Variants in COL25A1 observed in about 807,000 individuals in gnomAD.
COL25A1 encodes collagen type XXV alpha 1 chain.
A neutral mutation model predicts 128.4 loss-of-function variants in COL25A1; 103 were observed. The ratio of observed to expected loss-of-function variants is 0.80; its 90% CI spans 0.68 to 0.94. The LOEUF is 0.94. COL25A1 is among the 40% of genes least tolerant of loss of function. COL25A1 has a pLI of 0.00. For missense variants in COL25A1, 745 were observed against 840.0 expected (o/e 0.89, Z 1.40); for synonymous variants, 279 against 277.2 (o/e 1.01, Z -0.06).
At chr4:108,955,469 T>C (rs1040441092) in intron 8 of COL25A1, among the ~76,000 whole-genome samples, 1 of 152,204 alleles carries the variant, frequency 6.6e-6, no homozygotes, top group African/African-American at 2.4e-5. Context: ...AAGGGCCTAA[T>C]AATTCACAAA....
intron 24 of COL25A1, among the ~76,000 whole-genome samples, chr4:108,855,447 A>G (rs1037642643): frequency 2.0e-5 from 3 of 151,960 alleles, no homozygotes; most frequent in Non-Finnish European, 4.4e-5. Flanking sequence ...TAAGGAGTAG[A>G]AATAATTTCT....
At chr4:109,013,030 A>G (rs1756804887) in intron 5 of COL25A1, among the ~76,000 whole-genome samples, 1 of 152,212 alleles carries the variant, frequency 6.6e-6, no homozygotes, top group South Asian at 2.1e-4. Flanking sequence ...TCGTGGATGC[A>G]CCAATCAGCA....
intron 3 of COL25A1, among the ~76,000 whole-genome samples, chr4:109,149,420 G>A (rs1039051089): frequency 6.6e-6 from 1 of 152,032 alleles, no homozygotes; most frequent in Non-Finnish European, 1.5e-5. Context: ...GTCTTACTGT[G>A]TTGCCCAGGC....
chr4:108,907,363 T>G (rs1743658910), intron 13 of COL25A1, among the ~76,000 whole-genome samples: 1 of 152,200 alleles, frequency 6.6e-6, no homozygotes, highest in South Asian at 2.1e-4. Flanking sequence ...ACTGCTCATC[T>G]CTTCTGTCTG....
chr4:108,884,810 C>T (rs978001724), intron 18 of COL25A1, among the ~76,000 whole-genome samples: 3 of 152,118 alleles, frequency 2.0e-5, no homozygotes, highest in Admixed American at 1.3e-4. Context: ...TCTGAGCAAC[C>T]CTGCTTAGCA....
At chr4:108,962,536 C>G (rs940472883) in intron 8 of COL25A1, among the ~76,000 whole-genome samples, 1 of 152,012 alleles carries the variant, frequency 6.6e-6, no homozygotes, top group Non-Finnish European at 1.5e-5. Flanking sequence ...AATACCTGTA[C>G]TGAAAAGAGT....
chr4:108,830,822 C>G (rs1478047379), intron 32 of COL25A1, among the ~76,000 whole-genome samples: 1 of 152,268 alleles, frequency 6.6e-6, no homozygotes, highest in Non-Finnish European at 1.5e-5. Context: ...CTGAGATTTG[C>G]TGCTCCATTT....
intron 3 of COL25A1, among the ~76,000 whole-genome samples, chr4:109,133,778 G>A (rs892252382): frequency 1.3e-5 from 2 of 151,940 alleles, no homozygotes; most frequent in African/African-American, 4.8e-5. Context: ...CTTTTTCTTT[G>A]ACATTTATGA....
intron 3 of COL25A1, among the ~76,000 whole-genome samples, chr4:109,264,246 G>A (rs752224327): frequency 2.2e-4 from 33 of 152,192 alleles, no homozygotes; most frequent in Non-Finnish European, 3.4e-4. Context: ...GACCAGGAGA[G>A]GGAAGGGTGA....
intron 10 of COL25A1, among the ~76,000 whole-genome samples, chr4:108,940,278 G>A (rs1172293479): frequency 6.6e-6 from 1 of 152,126 alleles, no homozygotes; most frequent in Non-Finnish European, 1.5e-5. Flanking sequence ...GCTGCCTCCA[G>A]GTGTCTCTTG....
At chr4:108,819,827 A>C (rs924523043) in intron 35 of COL25A1, 95 of 1,230,880 alleles carry the variant, frequency 7.7e-5, no homozygotes, top group Non-Finnish European at 9.5e-5. Context: ...GGCAGGGTGC[A>C]TCTAATCCAG....
chr4:108,819,896 C>A (rs1231399543), intron 35 of COL25A1: 4 of 1,220,156 alleles, frequency 3.3e-6, no homozygotes, highest in Non-Finnish European at 4.1e-6. Flanking sequence ...TTCCCTTTTC[C>A]CCCTGTGGAT....
At chr4:109,219,047 G>A (rs1220025433) in intron 3 of COL25A1, among the ~76,000 whole-genome samples, 3 of 152,054 alleles carry the variant, frequency 2.0e-5, no homozygotes, top group Non-Finnish European at 4.4e-5. Context: ...AGGAGTCAGA[G>A]CAAACCCATT....
At chr4:108,982,977 G>A (rs1184624657) in intron 6 of COL25A1, among the ~76,000 whole-genome samples, 1 of 152,160 alleles carries the variant, frequency 6.6e-6, no homozygotes, top group Non-Finnish European at 1.5e-5. Context: ...ACTCTCAAAA[G>A]TAAGACTGAT....
chr4:108,823,884 TCAAAAATCCTTTA>T, intron 35 of COL25A1: 1 of 1,374,150 alleles, frequency 7.3e-7, no homozygotes. Flanking sequence ...GATTTTTTTT[TCAAAAATCCTTTA>T]TTTTTCCATA....
At chr4:109,222,504 T>C (rs1778499805) in intron 3 of COL25A1, among the ~76,000 whole-genome samples, 1 of 152,232 alleles carries the variant, frequency 6.6e-6, no homozygotes, top group African/African-American at 2.4e-5. Context: ...TATAAGAATT[T>C]ATGTTCTCAA....
At chr4:109,149,491 A>G (rs1175037330) in intron 3 of COL25A1, among the ~76,000 whole-genome samples, 1 of 152,090 alleles carries the variant, frequency 6.6e-6, no homozygotes, top group East Asian at 1.9e-4. Context: ...CTGTGTACTG[A>G]GGTGATTTTA....
At chr4:108,930,265 T>C (rs1294621702) in intron 11 of COL25A1, among the ~76,000 whole-genome samples, 1 of 152,184 alleles carries the variant, frequency 6.6e-6, no homozygotes, top group Non-Finnish European at 1.5e-5. Flanking sequence ...AAAAGGCTTT[T>C]TTCTGGTTGT....
intron 3 of COL25A1, among the ~76,000 whole-genome samples, chr4:109,112,737 A>C (rs1767145234): frequency 6.6e-6 from 1 of 152,128 alleles, no homozygotes; most frequent in African/African-American, 2.4e-5. Flanking sequence ...TTACAGAGCA[A>C]AGTGAACAAG....
Sources: allele counts gnomAD v4.1 joint callset (sites outside exome capture counted in the v4.1 genomes callset), GRCh38; gene constraint gnomAD v4.1.1; transcripts MANE v1.5; gene names NCBI Gene and HGNC (gene_info 2026-07-23, HGNC 2026-07-21).